The following ARHGEF11 variants were observed in gnomAD, a reference collection of about 807,000 sequenced individuals.
ARHGEF11 encodes the protein Rho guanine nucleotide exchange factor 11.
A neutral mutation model predicts 193.7 loss-of-function variants in ARHGEF11; 55 were observed. The observed-to-expected ratio is 0.28, with a 90% CI of 0.23 to 0.36. The LOEUF (loss-of-function observed/expected upper bound fraction) is 0.36. ARHGEF11 is among the 10% of genes least tolerant of loss of function. The pLI is 1.00. For synonymous variants in ARHGEF11, 693 were observed against 768.0 expected, an observed-to-expected ratio of 0.90 and a Z score of 1.62; for missense variants, 1,723 against 2,005.6, an observed-to-expected ratio of 0.86 and a Z score of 2.69.
intron 1 of ARHGEF11, among the ~76,000 whole-genome samples, chr1:157,033,122 AAGCTCC>A (rs1326723255): frequency 6.6e-6 from 1 of 152,032 alleles, no homozygotes; most frequent in African/African-American, 2.4e-5. Context: ...CCTCCAGCCC[AAGCTCC>A]AGTTGTCTGC....
chr1:156,990,880 G>A (rs1262126797), intron 1 of ARHGEF11, among the ~76,000 whole-genome samples: 1 of 152,126 alleles, frequency 6.6e-6, no homozygotes, highest in Non-Finnish European at 1.5e-5. Context: ...ATTTCTCCAA[G>A]GAGCCCTGTT....
intron 1 of ARHGEF11, among the ~76,000 whole-genome samples, chr1:157,008,433 C>T (rs996956475): frequency 9.0e-5 from 13 of 145,132 alleles, no homozygotes; most frequent in African/African-American, 3.0e-4. Context: ...CACACACACA[C>T]GAAAGGCTAT....
chr1:156,994,798 C>T (rs1274161477), intron 1 of ARHGEF11, among the ~76,000 whole-genome samples: 1 of 152,134 alleles, frequency 6.6e-6, no homozygotes, highest in African/African-American at 2.4e-5. Context: ...GGCAAGTCAT[C>T]CAACCTCTTC....
chr1:157,015,787 G>C (rs1485298119), intron 1 of ARHGEF11, among the ~76,000 whole-genome samples: 3 of 152,178 alleles, frequency 2.0e-5, no homozygotes, highest in Non-Finnish European at 4.4e-5. Context: ...GACTCTTGGC[G>C]ACCTGGCCCA....
chr1:157,031,658 G>C (rs1417289752), intron 1 of ARHGEF11, among the ~76,000 whole-genome samples: 1 of 152,166 alleles, frequency 6.6e-6, no homozygotes, highest in Non-Finnish European at 1.5e-5. Context: ...AGGTCAGGGG[G>C]CTCTCAGAAA....
At position 157,045,714 on chromosome 1, in the gene ARHGEF11, G is replaced by A. The variant is rs1673247429; in HGVS notation, c.-1384C>T. On this transcript the variant is annotated 5_prime_UTR_variant, in exon 1 of 41. Coordinates refer to ENST00000368194, the MANE Select transcript of ARHGEF11 (RefSeq NM_198236.3). ...GCACAGGGAAGGCTGCGGCGGCTGCGGCAGGCCGGCACGAGCGGGCGTCCG... is the reference window on the plus strand; with the variant it reads ...GCACAGGGAAGGCTGCGGCGGCTGCAGCAGGCCGGCACGAGCGGGCGTCCG... 6.7e-6 allele frequency among the ~76,000 whole-genome samples: 1 copy of A among 149,828 alleles called. No individual in the cohort carries two copies. The highest frequency in any genetic ancestry group is 6.6e-5 in the Admixed American group (1 of 15,098).
intron 3 of ARHGEF11, among the ~76,000 whole-genome samples, chr1:156,981,538 G>A (rs1664173882): frequency 6.6e-6 from 1 of 152,210 alleles, no homozygotes; most frequent in African/African-American, 2.4e-5. Flanking sequence ...GTGCAGCGGT[G>A]CGATTTTGGC....
In ARHGEF11 at chr1:156,936,291, A is replaced by G. The variant is rs531674241; in HGVS notation, c.4631-233T>C. 7.1e-6 allele frequency: 5 copies of G among 706,652 alleles called. No homozygotes were observed. In the East Asian group the frequency reaches 1.4e-4, roughly 20 times the overall value. The allele number at this position is 706,652 out of a possible 1,614,324, so 43.8% of individuals were successfully genotyped here. On this transcript the variant is annotated intron_variant, in intron 40 of 40. Transcript: ENST00000368194. ...GTGCCTTGTCTTCCTGAGTTATGAC[A>G]TAGCTGTGTCCCTGGCCCACCCAGT...
intron 21 of ARHGEF11, among the ~76,000 whole-genome samples, chr1:156,954,018 C>A (rs1659520565): frequency 6.6e-6 from 1 of 152,088 alleles, no homozygotes; most frequent in South Asian, 2.1e-4. Context: ...GTTGGAGACC[C>A]ATACTTTACA....
chr1:156,946,726 G>T lies in ARHGEF11; in HGVS notation c.2630C>A (p.Ser877Ter). ...GGTCTTGATTAGCTCTAGGGCTATT[G>T]ACTGATAGGAACAGAACTGTGCAGC... ...QVAAQFCSYQ[S>*]IALELIKTKQ... The change falls in exon 28 of 41, where the codon TCA becomes TAA. Residue 877 changes from serine (S) to a stop codon, truncating the protein, a stop_gained. Transcript: ENST00000368194. LOFTEE classifies it high-confidence loss of function. 6.2e-7 allele frequency: 1 copy of T among 1,614,178 alleles called. No homozygotes were observed. Among genetic ancestry groups the T allele is most frequent in the South Asian group, 1.1e-5 (1 of 91,054 alleles).
chr1:156,961,540 G>C, intron 14 of ARHGEF11, 137 bp downstream of exon 14: 1 of 717,130 alleles, frequency 1.4e-6, no homozygotes, highest in South Asian at 1.8e-5. Flanking sequence ...ACAGAATCCA[G>C]GAATATTAAT....
chr1:156,936,490 AAAAAAAAAT>A (rs1383096501), intron 40 of ARHGEF11, among the ~76,000 whole-genome samples: 88 of 95,898 alleles, frequency 9.2e-4, no homozygotes, highest in Middle Eastern at 4.6e-3. Context: ...GAAAAAAAAA[AAAAAAAAAT>A]ATATATATAT....
rs751474509 is a variant in ARHGEF11 at position 156,941,379 on chromosome 1, C to T, written c.3507G>A (p.Leu1169=). The T allele has an allele frequency of 3.1e-6, 5 of 1,613,686 alleles. No individual in the cohort carries two copies. The East Asian group carries it at 8.9e-5, about 29-fold the overall frequency. ...ACAGTTCAGGGCCCTTACCTCCAGG[C>T]AGCTCCTCAGGTTCAGGTTCACCAT... The part of the protein sequence containing the change: ...VFHGEPEPEE[L]PGGTGSQQRV... The change falls in exon 35 of 41, where the codon CTG becomes CTA. Residue 1169 remains leucine, a synonymous_variant. Coordinates refer to ENST00000368194, the MANE Select transcript of ARHGEF11 (RefSeq NM_198236.3).
At chr1:157,026,491 T>A (rs551212046) in intron 1 of ARHGEF11, among the ~76,000 whole-genome samples, 1 of 152,152 alleles carries the variant, frequency 6.6e-6, no homozygotes, top group African/African-American at 2.4e-5. Flanking sequence ...ATCACCCAGA[T>A]GATTATAATA....
At chr1:156,947,595 T>C (rs1408083981) in intron 25 of ARHGEF11, 145 bp from the exon 26 acceptor site, 3 of 1,343,476 alleles carry the variant, frequency 2.2e-6, no homozygotes, top group South Asian at 1.5e-5. Flanking sequence ...AACTTTTCTC[T>C]TACTCCAAGG....
At position 157,030,104 on chromosome 1, in the gene ARHGEF11, T is replaced by C. The variant is rs531405786; in HGVS notation, c.32+14195A>G. 1.1e-4 allele frequency among the ~76,000 whole-genome samples: 17 copies of C among 152,274 alleles called. No homozygotes were observed. In the East Asian group the frequency reaches 2.7e-3, roughly 24 times the overall value. ...CACAACTCTGTGAATATACTAAAAA[T>C]CACTGAACTGTACACTCTAAAGCAG... is the stretch of plus-strand genomic sequence containing the variant. On this transcript the variant is annotated intron_variant, in intron 1 of 40. Transcript: ENST00000368194.
intron 2 of ARHGEF11, among the ~76,000 whole-genome samples, chr1:156,984,996 A>G: frequency 6.6e-6 from 1 of 151,910 alleles, no homozygotes; most frequent in East Asian, 1.9e-4. Flanking sequence ...TTTCTGAAAT[A>G]AAAGGGTTTT....
At position 156,940,295 on chromosome 1, in the gene ARHGEF11, G is replaced by A. The variant is rs1656544600; in HGVS notation, c.3645C>T (p.Asn1215=). 1 of 1,613,730 alleles carries A rather than the reference G, an allele frequency of 6.2e-7. No homozygotes were observed. The highest frequency in any genetic ancestry group is 8.5e-7 in the Non-Finnish European group (1 of 1,179,776). ...TGGGGTTCCTTGTCCTGATGCCCCT[G>A]TTCTCTCCATCCAGGGATGTGGAAG... is the stretch of plus-strand genomic sequence containing the variant. The part of the protein sequence containing the change: ...PCPSTSLDGE[N]RGIRTRNPIH... Residue 1215 remains asparagine, a synonymous_variant, in exon 36 of 41, where the codon AAC becomes AAT. Coordinates refer to ENST00000368194, the MANE Select transcript of ARHGEF11 (RefSeq NM_198236.3).
intron 1 of ARHGEF11, among the ~76,000 whole-genome samples, chr1:157,008,583 A>G (rs773257971): frequency 1.3e-5 from 2 of 152,204 alleles, no homozygotes; most frequent in Non-Finnish European, 2.9e-5. Flanking sequence ...TAAGCCACCC[A>G]GTCTATGGTG....
Sources: gnomAD v4.1 joint callset for allele counts (sites outside exome capture counted in the v4.1 genomes callset) on GRCh38, gnomAD v4.1.1 for gene constraint, MANE v1.5 for transcripts, NCBI Gene and HGNC (gene_info 2026-07-23, HGNC 2026-07-21) for gene names.